NFIB: variants seen among roughly 807,000 people sequenced by gnomAD.
NFIB encodes the protein nuclear factor 1 B-type.
Under a neutral mutation model 61.5 loss-of-function variants are expected in NFIB, and 11 were observed. The observed-to-expected ratio is 0.18, with a 90% CI of 0.11 to 0.30. The LOEUF (loss-of-function observed/expected upper bound fraction) is 0.30. Ranked by LOEUF, NFIB falls within the 10% of genes least tolerant of loss-of-function variation. NFIB has a pLI of 1.00. For synonymous variants in NFIB, 260 were observed against 216.5 expected, an observed-to-expected ratio of 1.20 and a Z score of -1.76; for missense variants, 471 against 608.9, an observed-to-expected ratio of 0.77 and a Z score of 2.38.
the NFIB span, among the ~76,000 whole-genome samples, chr9:14,461,057 T>C: frequency 2.6e-5 from 4 of 152,250 alleles, no homozygotes; most frequent in African/African-American, 9.6e-5. Context: ...TAATTAGATA[T>C]CAAGTCTCCC....
intron 10 of NFIB, among the ~76,000 whole-genome samples, chr9:14,109,335 T>C (rs1354866996): frequency 6.6e-6 from 1 of 152,016 alleles, no homozygotes; most frequent in African/African-American, 2.4e-5. Context: ...CACAATGTGT[T>C]CGTGAATTAT....
At chr9:14,464,099 T>C in the NFIB span, among the ~76,000 whole-genome samples, 16 of 152,246 alleles carry the variant, frequency 1.1e-4, no homozygotes, top group African/African-American at 3.9e-4. Context: ...TGACTGGCTG[T>C]GTCTCTGACT....
intron 10 of NFIB, among the ~76,000 whole-genome samples, chr9:14,110,623 A>G (rs1039858957): frequency 1.3e-5 from 2 of 152,132 alleles, no homozygotes; most frequent in African/African-American, 4.8e-5. Flanking sequence ...GAAAGGACAC[A>G]GTAAATCAAT....
intron 4 of NFIB, among the ~76,000 whole-genome samples, chr9:14,152,869 G>C (rs1488243073): frequency 6.6e-6 from 1 of 151,928 alleles, no homozygotes; most frequent in Admixed American, 6.6e-5. Context: ...AGGTGGGGGA[G>C]GGTGGGGAGG....
intron 1 of NFIB, among the ~76,000 whole-genome samples, chr9:14,381,153 C>T (rs1353235180): frequency 6.6e-6 from 1 of 151,300 alleles, no homozygotes; most frequent in Non-Finnish European, 1.5e-5. Flanking sequence ...AATCTGTACA[C>T]CATCATGGAT....
At chr9:14,439,863 C>T in the NFIB span, among the ~76,000 whole-genome samples, 1 of 152,200 alleles carries the variant, frequency 6.6e-6, no homozygotes, top group Admixed American at 6.5e-5. Flanking sequence ...CCGTTTGCCC[C>T]AGTTTTGGGT....
intron 6 of NFIB, among the ~76,000 whole-genome samples, chr9:14,126,278 G>C (rs2039633335): frequency 6.6e-6 from 1 of 152,128 alleles, no homozygotes; most frequent in Admixed American, 6.5e-5. Context: ...CGTTTACTGG[G>C]TTTCTGTACT....
intron 2 of NFIB, among the ~76,000 whole-genome samples, chr9:14,223,262 G>A (rs1244075332): frequency 6.6e-6 from 1 of 152,166 alleles, no homozygotes; most frequent in Admixed American, 6.5e-5. Context: ...ATCTATAGCA[G>A]GGGCACACTT....
chr9:14,434,339 T>A, the NFIB span, among the ~76,000 whole-genome samples: 202 of 152,290 alleles, frequency 1.3e-3, 1 homozygote, highest in African/African-American at 4.6e-3. Context: ...ATAATGGATA[T>A]GGATTTCCCA....
At chr9:14,225,215 A>C (rs1464445125) in intron 2 of NFIB, among the ~76,000 whole-genome samples, 1 of 152,138 alleles carries the variant, frequency 6.6e-6, no homozygotes, top group Non-Finnish European at 1.5e-5. Context: ...TTTGCTTTGG[A>C]TATCCAAGAA....
chr9:14,396,411 G>A (rs761397811), intron 1 of NFIB, among the ~76,000 whole-genome samples: 3 of 152,102 alleles, frequency 2.0e-5, no homozygotes, highest in Non-Finnish European at 4.4e-5. Context: ...GGAACTGTTG[G>A]CACGCCTCCC....
chr9:14,511,010 G>C, the NFIB span, among the ~76,000 whole-genome samples: 1 of 152,072 alleles, frequency 6.6e-6, no homozygotes, highest in Non-Finnish European at 1.5e-5. Context: ...CCCACATTAG[G>C]GATGATTTTG....
chr9:14,178,497 G>A (rs1325806792), intron 3 of NFIB, among the ~76,000 whole-genome samples: 1 of 151,986 alleles, frequency 6.6e-6, no homozygotes, highest in Admixed American at 6.6e-5. Flanking sequence ...AATCAACTTA[G>A]CATACATTTT....
rs562553833 is a variant in NFIB at position 14,146,105 on chromosome 9, G to C, written c.925+584C>G. Among the ~76,000 whole-genome samples the C allele has an allele frequency of 5.5e-3, 836 of 152,054 alleles. 6 individuals are homozygous for C. The highest frequency in any genetic ancestry group is 0.024 in the Middle Eastern group (7 of 292). On this transcript the variant is annotated intron_variant, in intron 6 of 10. Transcript: ENST00000380953. ...AGAAGAGCTAAGTCTCAATCCTTCC[G>C]GGTCTCAATACCCATTTCTTAAAGT...
At chr9:14,388,469 G>GAGAGAGAGAGAGAGAA (rs747704218) in intron 1 of NFIB, among the ~76,000 whole-genome samples, 5 of 136,858 alleles carry the variant, frequency 3.7e-5, no homozygotes, top group Non-Finnish European at 7.6e-5. Flanking sequence ...GAAAGAAAAA[G>GAGAGAGAGAGAGAGAA]AGAGAGAGAG....
At chr9:14,461,874 T>C in the NFIB span, among the ~76,000 whole-genome samples, 3 of 152,188 alleles carry the variant, frequency 2.0e-5, no homozygotes, top group African/African-American at 7.2e-5. Context: ...TTATGGTATC[T>C]TCCTGAAGAG....
At chr9:14,228,944 T>A (rs2052778358) in intron 2 of NFIB, among the ~76,000 whole-genome samples, 1 of 152,132 alleles carries the variant, frequency 6.6e-6, no homozygotes, top group South Asian at 2.1e-4. Flanking sequence ...TTACTTCTTT[T>A]TAAATTTTCA....
the NFIB span, among the ~76,000 whole-genome samples, chr9:14,479,947 G>A: frequency 6.6e-6 from 1 of 151,756 alleles, no homozygotes; most frequent in Non-Finnish European, 1.5e-5. Flanking sequence ...ATCCCTGGTT[G>A]GAAAAAAAGA....
At chr9:14,451,557 T>C in the NFIB span, among the ~76,000 whole-genome samples, 1 of 152,138 alleles carries the variant, frequency 6.6e-6, no homozygotes, top group Non-Finnish European at 1.5e-5. Context: ...AACCCACAAA[T>C]ACCACTTCAG....
Sources: gnomAD v4.1 joint callset for allele counts (sites outside exome capture counted in the v4.1 genomes callset) on GRCh38, gnomAD v4.1.1 for gene constraint, MANE v1.5 for transcripts, NCBI Gene and HGNC (gene_info 2026-07-23, HGNC 2026-07-21) for gene names.